C22orf31: variants seen among roughly 807,000 people sequenced by gnomAD.
C22orf31 encodes chromosome 22 open reading frame 31, also known as uncharacterized protein C22orf31.
In C22orf31, 11 loss-of-function variants were observed where a neutral mutation model predicts 15.0. The ratio of observed to expected loss-of-function variants is 0.73; its 90% CI spans 0.46 to 1.21. The LOEUF (loss-of-function observed/expected upper bound fraction) is 1.21, where lower values mean the gene tolerates loss of function less well. C22orf31 is among the 50% of genes most tolerant of loss of function. The probability of loss-of-function intolerance (pLI) is 0.00; values close to 1 mark genes in which losing one functional copy is unlikely to be tolerated. For synonymous variants in C22orf31, 132 were observed against 133.3 expected (o/e 0.99, Z 0.07); for missense variants, 340 against 347.2 (o/e 0.98, Z 0.17).
intron 2 of C22orf31, among the ~76,000 whole-genome samples, 171 bp downstream of exon 2, chr22:29,060,244 C>G (rs960063290): frequency 6.1e-5 from 9 of 148,710 alleles, no homozygotes; most frequent in Non-Finnish European, 1.2e-4. Context: ...GTTGCCCAGG[C>G]TGGTCTTGAA....
At chr22:29,061,867 T>C, upstream of C22orf31, 1 of 1,218,882 alleles carries the variant, frequency 8.2e-7, no homozygotes, top group Non-Finnish European at 1.2e-6. Context: ...TTCCTTTTTC[T>C]CTCTCTCTCT....
chr22:29,059,848 T>G (rs1216244482), intron 2 of C22orf31: 2 of 985,310 alleles, frequency 2.0e-6, no homozygotes, highest in Middle Eastern at 5.2e-4. Flanking sequence ...ATGTCAAGTC[T>G]GTGCTTATGA....
At chr22:29,066,421 T>A (rs1738254137), upstream of C22orf31, among the ~76,000 whole-genome samples, 1 of 152,024 alleles carries the variant, frequency 6.6e-6, no homozygotes, top group South Asian at 2.1e-4. Context: ...TATGCACCAA[T>A]CATGGGCCAA....
chr22:29,060,487 C>T lies in C22orf31; in HGVS notation c.360G>A (p.Arg120=). Residue 120 remains arginine (R), a synonymous_variant, in exon 2 of 3, where the codon AGG becomes AGA. Transcript: ENST00000216071. ...DSVMKATQQA[R]KRNFISSKSK... is the part of the protein sequence containing the mutation. ...TCTTGGAACTGATGAAGTTTCTTTTCCTGGCCTGCTGGGTGGCTTTCATCA... is the reference window on the plus strand; with the variant it reads ...TCTTGGAACTGATGAAGTTTCTTTTTCTGGCCTGCTGGGTGGCTTTCATCA... 1.2e-6 allele frequency: 2 copies of T among 1,614,042 alleles called. No homozygotes were observed. Among genetic ancestry groups the T allele is most frequent in the Non-Finnish European group, 1.7e-6 (2 of 1,180,016 alleles).
At chr22:29,071,200 G>GTA in the C22orf31 span, among the ~76,000 whole-genome samples, 1 of 152,192 alleles carries the variant, frequency 6.6e-6, no homozygotes, top group African/African-American at 2.4e-5. Flanking sequence ...GGCTGGGTGA[G>GTA]GGGATGGTGG....
chr22:29,069,943 C>CTTTTTT, the C22orf31 span, among the ~76,000 whole-genome samples: 1 of 96,534 alleles, frequency 1.0e-5, no homozygotes, highest in African/African-American at 4.3e-5. Flanking sequence ...TCTTGAAATT[C>CTTTTTT]TTTTTTTTTT....
In C22orf31 at chr22:29,060,806, A is replaced by G; in HGVS notation, c.41T>C (p.Ile14Thr). 1 of 1,614,060 alleles carries G rather than the reference A, an allele frequency of 6.2e-7. No homozygotes were observed. The highest frequency in any genetic ancestry group is 8.5e-7 in the Non-Finnish European group (1 of 1,179,922). The change falls in exon 2 of 3, where the codon ATC becomes ACC. Residue 14 changes from isoleucine to threonine, a missense_variant. Coordinates refer to ENST00000216071, the MANE Select transcript of C22orf31 (RefSeq NM_015370.2). ...INVRRDPSIPIYGLRQSILLN... is the reference protein window; with the variant it reads ...INVRRDPSIPTYGLRQSILLN... The stretch of plus-strand genomic sequence containing the variant: ...TAAGATGGACTGTCGGAGTCCATAG[A>G]TAGGGATGCTGGGGTCTCGTCTCAC...
intron 1 of C22orf31, 98 bp downstream of exon 1, chr22:29,061,692 A>G: frequency 4.3e-6 from 4 of 925,154 alleles, no homozygotes; most frequent in Non-Finnish European, 5.0e-6. Flanking sequence ...CCTGGGACCA[A>G]CTAAGAGCAA....
chr22:29,073,885 G>A, the C22orf31 span, among the ~76,000 whole-genome samples: 1 of 152,050 alleles, frequency 6.6e-6, no homozygotes, highest in Non-Finnish European at 1.5e-5. The surrounding 1 kb of genome is among the most constrained non-coding windows in gnomAD (Gnocchi z 4.4). Flanking sequence ...ACCTTGCACC[G>A]GGACGACTCC....
At chr22:29,063,276 G>T (rs187486065), upstream of C22orf31, among the ~76,000 whole-genome samples, 1 of 151,934 alleles carries the variant, frequency 6.6e-6, no homozygotes, top group African/African-American at 2.4e-5. Context: ...AGCAATTCTC[G>T]TGCATCAGCC....
upstream of C22orf31, among the ~76,000 whole-genome samples, chr22:29,065,821 G>T (rs1414321452): frequency 6.6e-6 from 1 of 152,216 alleles, no homozygotes; most frequent in Non-Finnish European, 1.5e-5. Flanking sequence ...CGGGGTTGAA[G>T]CAGTAGGGCT....
At chr22:29,059,229 G>T (rs773519100) in intron 2 of C22orf31, 47 bp from the exon 3 acceptor site, 12 of 1,370,148 alleles carry the variant, frequency 8.8e-6, no homozygotes, top group Non-Finnish European at 1.2e-5. Context: ...CTTGAGAGGG[G>T]AGCTCAGAAT....
chr22:29,066,551 T>G (rs866566365), upstream of C22orf31, among the ~76,000 whole-genome samples: 2 of 17,048 alleles, frequency 1.2e-4, no homozygotes, highest in Non-Finnish European at 2.3e-4. Context: ...TTTTTTTTTT[T>G]TTTTTTTTTT....
chr22:29,073,127 G>T, the C22orf31 span: 3 of 1,049,990 alleles, frequency 2.9e-6, no homozygotes, highest in Non-Finnish European at 3.4e-6. The surrounding 1 kb of genome is among the most constrained non-coding windows in gnomAD (Gnocchi z 4.4). Context: ...CGCACTGACG[G>T]CCCATGGCGC....
upstream of C22orf31, chr22:29,061,912 C>T (rs557875873): frequency 6.3e-6 from 5 of 791,866 alleles, no homozygotes; most frequent in South Asian, 5.7e-5. Context: ...TTCTAGTCAC[C>T]TGTCTTTCTC....
upstream of C22orf31, among the ~76,000 whole-genome samples, chr22:29,064,099 C>G (rs1355496525): frequency 6.6e-6 from 1 of 152,172 alleles, no homozygotes; most frequent in African/African-American, 2.4e-5. Flanking sequence ...AACTCTTGAC[C>G]TCAGGTGATC....
chr22:29,061,729 A>G, intron 1 of C22orf31, 61 bp downstream of exon 1: 1 of 1,252,814 alleles, frequency 8.0e-7, no homozygotes, highest in Non-Finnish European at 1.1e-6. Context: ...GATTAGAATC[A>G]CATATTTAAA....
rs773861622 is a variant in C22orf31, at chr22:29,058,869, T to A, written c.746A>T (p.Glu249Val). 28 of 1,614,012 alleles carry A rather than the reference T, an allele frequency of 1.7e-5. 1 individual carries two copies. The Admixed American group carries it at 4.7e-4, about 27-fold the overall frequency. Residue 249 changes from glutamate (E) to valine (V), a missense_variant, in exon 3 of 3, where the codon GAG becomes GTG. By Grantham distance (121) the Glu-to-Val change is moderately radical (BLOSUM62 -2). Transcript: ENST00000216071. ...LGKAIKQKLW[E>V]ALCSQGAISE... Reference sequence around the variant, plus strand: ...GATGGCACCCTGACTGCAAAGAGCCTCCCAGAGCTTTTGTTTAATGGCCTT... The same window carrying A: ...GATGGCACCCTGACTGCAAAGAGCCACCCAGAGCTTTTGTTTAATGGCCTT...
chr22:29,061,360 G>A (rs1375160841), intron 1 of C22orf31, among the ~76,000 whole-genome samples: 11 of 152,092 alleles, frequency 7.2e-5, no homozygotes, highest in Non-Finnish European at 1.2e-4. Context: ...TCCGCCTCCC[G>A]GGCTCAAGGG....
Sources: gnomAD v4.1 joint callset for allele counts (sites outside exome capture counted in the v4.1 genomes callset) on GRCh38, gnomAD v4.1.1 for gene constraint, Gnocchi (gnomAD v3.1) non-coding constraint, MANE v1.5 for transcripts, NCBI Gene and HGNC (gene_info 2026-07-23, HGNC 2026-07-21) for gene names.